Variants in ASMTL observed in about 807,000 individuals in gnomAD.
The protein encoded by ASMTL is probable bifunctional dTTP/UTP pyrophosphatase/methyltransferase protein.
In ASMTL, 57 loss-of-function variants were observed where a neutral mutation model predicts 60.3. The ratio of observed to expected loss-of-function variants is 0.95; its 90% CI spans 0.76 to 1.18. The LOEUF (loss-of-function observed/expected upper bound fraction) is 1.18, where lower values mean the gene tolerates loss of function less well. ASMTL is among the 50% of genes most tolerant of loss of function. The pLI is 0.00. For missense variants in ASMTL, 981 were observed against 852.6 expected, an observed-to-expected ratio of 1.15 and a Z score of -1.88; for synonymous variants, 419 against 373.0, an observed-to-expected ratio of 1.12 and a Z score of -1.42.
chrX:1,452,449 C>A (rs189368194), intron 1 of ASMTL, among the ~76,000 whole-genome samples: 1 of 151,414 alleles, frequency 6.6e-6, no homozygotes, highest in African/African-American at 2.4e-5. Flanking sequence ...ACTCTACCCT[C>A]CCCATTCCTA....
In ASMTL at chrX:1,425,554, G is replaced by A; in HGVS notation, c.1031C>T (p.Ala344Val). The change falls in exon 8 of 13, where the codon GCC (alanine) becomes GTC (valine). Residue 344 changes from alanine (A) to valine (V), a missense_variant. Coordinates refer to ENST00000381317, the MANE Select transcript of ASMTL (RefSeq NM_004192.4). ...GMERLLDICAAMGLLEKTEQG... is the reference protein window; with the variant it reads ...GMERLLDICAVMGLLEKTEQG... The stretch of plus-strand genomic sequence containing the variant: ...CTCTGTCTTCTCCAGGAGCCCCATG[G>A]CAGCACAGATGTCCAGAAGCCTCTC... 1.2e-6 allele frequency: 2 copies of A among 1,613,334 alleles called. No homozygotes were observed. Among genetic ancestry groups the A allele is most frequent in the Non-Finnish European group, 1.7e-6 (2 of 1,179,782 alleles).
At chrX:1,420,035 CTCTGTCTCTATGTCTGTCTCCTGTT>C (rs1169287541) in intron 9 of ASMTL, among the ~76,000 whole-genome samples, 1 of 28,248 alleles carries the variant, frequency 3.5e-5, no homozygotes, top group Non-Finnish European at 3.3e-4. Context: ...CTCCCTCTGT[CTCTGTCTCTATGTCTGTCTCCTGTT>C]TCTGTCTCTA....
chrX:1,428,538 C>T (rs2090677911), intron 6 of ASMTL, among the ~76,000 whole-genome samples: 2 of 150,610 alleles, frequency 1.3e-5, no homozygotes, highest in African/African-American at 2.4e-5. Flanking sequence ...TCCCAGCTAC[C>T]CAGGAGGCTG....
intron 11 of ASMTL, among the ~76,000 whole-genome samples, chrX:1,416,067 A>G (rs1172861642): frequency 2.0e-5 from 3 of 151,780 alleles, no homozygotes; most frequent in African/African-American, 7.3e-5. Context: ...AGAGACAGAC[A>G]TGCACAGATG....
In ASMTL at chrX:1,428,139, G is replaced by A. The variant is rs2090665881; in HGVS notation, c.510-18C>T. The A allele has an allele frequency of 1.3e-6, 2 of 1,588,168 alleles. No homozygotes were observed. The highest frequency in any genetic ancestry group is 2.7e-5 in the African/African-American group (2 of 74,472). The stretch of plus-strand genomic sequence containing the variant: ...CTTTGTCCCTGGGTGGGCAGGGGAA[G>A]GTAAGAGGTGACAAGGAGGAGAAAA... On this transcript the variant is annotated intron_variant, in intron 6 of 12. Transcript: ENST00000381317.
intron 1 of ASMTL, among the ~76,000 whole-genome samples, chrX:1,442,782 C>A (rs1227710764): frequency 2.0e-5 from 3 of 152,146 alleles, no homozygotes; most frequent in Non-Finnish European, 2.9e-5. Flanking sequence ...AATGATGGCT[C>A]TACGTCAATC....
chrX:1,414,934 CTT>C (rs2090178185), intron 11 of ASMTL, among the ~76,000 whole-genome samples: 2 of 21,786 alleles, frequency 9.2e-5, no homozygotes, highest in Admixed American at 2.0e-3. Flanking sequence ...TCAGCTGTCT[CTT>C]TTTTTATTTT....
chrX:1,434,555 G>T (rs1467458458), intron 5 of ASMTL, among the ~76,000 whole-genome samples: 1 of 150,832 alleles, frequency 6.6e-6, no homozygotes, highest in Non-Finnish European at 1.5e-5. Flanking sequence ...TGTAATCCCA[G>T]CACTTTGGGA....
intron 3 of ASMTL, 124 bp from the exon 4 acceptor site, chrX:1,435,882 C>T (rs1245368117): frequency 6.0e-6 from 5 of 837,700 alleles, no homozygotes; most frequent in Non-Finnish European, 1.0e-5. Flanking sequence ...TCCTGAGAGT[C>T]GCCATTTCAA....
intron 1 of ASMTL, among the ~76,000 whole-genome samples, chrX:1,452,249 A>AT (rs1430958823): frequency 2.2e-5 from 2 of 91,318 alleles, no homozygotes; most frequent in Non-Finnish European, 4.5e-5. Flanking sequence ...CCCCATCCCT[A>AT]GGGGTCCCGG....
chrX:1,414,338 C>T (rs1326182834), intron 11 of ASMTL, among the ~76,000 whole-genome samples: 7 of 152,054 alleles, frequency 4.6e-5, no homozygotes, highest in African/African-American at 9.7e-5. Context: ...AAAGAAGGGG[C>T]GGGAGAGTGT....
chrX:1,431,923 A>T (rs1295569588), intron 6 of ASMTL: 1 of 292,614 alleles, frequency 3.4e-6, no homozygotes, highest in Admixed American at 4.7e-5. Flanking sequence ...CACAGAGTTT[A>T]TTCGTGTTAA....
intron 6 of ASMTL, among the ~76,000 whole-genome samples, chrX:1,429,379 A>G (rs2090706824): frequency 6.6e-6 from 1 of 151,570 alleles, no homozygotes; most frequent in Non-Finnish European, 1.5e-5. Flanking sequence ...ATCATTTTTT[A>G]TAAAGATGGG....
intron 6 of ASMTL, among the ~76,000 whole-genome samples, chrX:1,428,777 TG>T (rs1161254673): frequency 6.8e-6 from 1 of 147,908 alleles, no homozygotes; most frequent in African/African-American, 2.5e-5. Context: ...TGTGTGTGTG[TG>T]GGGAGAAGAC....
At chrX:1,424,611 T>G (rs1415767554) in intron 8 of ASMTL, among the ~76,000 whole-genome samples, 1 of 147,858 alleles carries the variant, frequency 6.8e-6, no homozygotes, top group Non-Finnish European at 1.5e-5. Flanking sequence ...CACTTATCCA[T>G]CCACCCATCC....
chrX:1,441,381 A>T (rs1389960121), intron 2 of ASMTL, among the ~76,000 whole-genome samples: 32 of 152,216 alleles, frequency 2.1e-4, no homozygotes, highest in Non-Finnish European at 4.3e-4. Flanking sequence ...GGTTCACGCA[A>T]TTCTCCTGCC....
At position 1,440,392 on chromosome X, in the gene ASMTL, G is replaced by A. The variant is rs1167737253; in HGVS notation, c.226-1248C>T. Among the ~76,000 whole-genome samples the A allele has an allele frequency of 2.6e-5, 4 of 151,728 alleles. No homozygotes were observed. In the South Asian group the frequency reaches 6.3e-4, roughly 24 times the overall value. ...GGTGTGAGCCACTGCACCCGGCCCC[G>A]AATGTATTTCTTATATTAACAGTAA... On this transcript the variant is annotated intron_variant, in intron 2 of 12. Transcript: ENST00000381317.
intron 1 of ASMTL, among the ~76,000 whole-genome samples, chrX:1,444,059 C>T (rs1332615749): frequency 6.6e-6 from 1 of 152,220 alleles, no homozygotes; most frequent in Non-Finnish European, 1.5e-5. Context: ...CAGAAACATT[C>T]CAGCCGTGGG....
At chrX:1,423,397 A>G (rs1460954044) in intron 8 of ASMTL, among the ~76,000 whole-genome samples, 5 of 152,034 alleles carry the variant, frequency 3.3e-5, no homozygotes, top group Non-Finnish European at 5.9e-5. Flanking sequence ...TTGTCTCCTA[A>G]TCACAGAAGC....
Sources: allele counts gnomAD v4.1 joint callset (sites outside exome capture counted in the v4.1 genomes callset), GRCh38; gene constraint gnomAD v4.1.1; transcripts MANE v1.5; gene names NCBI Gene and HGNC (gene_info 2026-07-23, HGNC 2026-07-21).